Variants in NSMAF observed in about 807,000 individuals in gnomAD.
The protein encoded by NSMAF is neutral sphingomyelinase activation associated factor.
NSMAF carries 90 observed loss-of-function variants against 134.9 expected under a neutral mutation model. That is an observed-to-expected ratio of 0.67 (90% confidence interval 0.56 to 0.79). The LOEUF (loss-of-function observed/expected upper bound fraction) is 0.79. NSMAF is among the 30% of genes least tolerant of loss of function. NSMAF has a pLI of 0.00. For synonymous variants in NSMAF, 358 were observed against 389.6 expected, an observed-to-expected ratio of 0.92 and a Z score of 0.96; for missense variants, 1,010 against 1,119.0, an observed-to-expected ratio of 0.90 and a Z score of 1.39.
intron 23 of NSMAF, among the ~76,000 whole-genome samples, chr8:58,592,749 C>T (rs1338960575): frequency 6.6e-6 from 1 of 151,842 alleles, no homozygotes; most frequent in African/African-American, 2.4e-5. Flanking sequence ...TAGCCAGGCA[C>T]GATGGTGGGT....
intron 9 of NSMAF, among the ~76,000 whole-genome samples, chr8:58,622,290 G>C (rs1806804094): frequency 6.6e-6 from 1 of 152,072 alleles, no homozygotes; most frequent in African/African-American, 2.4e-5. Context: ...CTGGAGTACA[G>C]AGGCATAATC....
At chr8:58,593,071 T>A (rs779928083) in intron 23 of NSMAF, among the ~76,000 whole-genome samples, 5 of 152,188 alleles carry the variant, frequency 3.3e-5, no homozygotes, top group Non-Finnish European at 7.3e-5. Flanking sequence ...TAACAAGCCA[T>A]CCCAGACAAA....
intron 5 of NSMAF, among the ~76,000 whole-genome samples, chr8:58,634,922 T>A (rs1337860797): frequency 6.6e-6 from 1 of 152,144 alleles, no homozygotes; most frequent in Non-Finnish European, 1.5e-5. Flanking sequence ...AAGAGCTGCA[T>A]CCCTTCATTT....
intron 1 of NSMAF, chr8:58,659,157 G>A (rs953248377): frequency 3.3e-5 from 46 of 1,399,374 alleles, no homozygotes; most frequent in Non-Finnish European, 4.0e-5. Context: ...TTAAGGGGAA[G>A]GATTAGAAAG....
At chr8:58,637,121 A>C in intron 2 of NSMAF, 1 of 318,684 alleles carries the variant, frequency 3.1e-6, no homozygotes, top group Non-Finnish European at 6.3e-6. Context: ...CCATTGCAGA[A>C]GTTATTCTTT....
chr8:58,645,908 G>T (rs535076608), intron 1 of NSMAF, among the ~76,000 whole-genome samples: 1 of 152,230 alleles, frequency 6.6e-6, no homozygotes, highest in East Asian at 1.9e-4. Context: ...AGGCGTGGTG[G>T]CGGGCGCCTA....
At chr8:58,655,496 C>G (rs1159605078) in intron 1 of NSMAF, among the ~76,000 whole-genome samples, 1 of 151,526 alleles carries the variant, frequency 6.6e-6, no homozygotes, top group Non-Finnish European at 1.5e-5. Flanking sequence ...GACTCCTGGG[C>G]TCGAGTGATC....
At chr8:58,613,819 A>G (rs1563532443) in intron 9 of NSMAF, among the ~76,000 whole-genome samples, 1 of 152,218 alleles carries the variant, frequency 6.6e-6, no homozygotes, top group Non-Finnish European at 1.5e-5. Context: ...GAATGTTTGT[A>G]TCATATCGGT....
At chr8:58,591,481 CTTTTTTTTTT>C (rs1018380152) in intron 23 of NSMAF, among the ~76,000 whole-genome samples, 1 of 94,494 alleles carries the variant, frequency 1.1e-5, no homozygotes, top group Non-Finnish European at 2.0e-5. Flanking sequence ...AGAAACCTTC[CTTTTTTTTTT>C]TTTTTTTTTT....
intron 1 of NSMAF, among the ~76,000 whole-genome samples, chr8:58,646,546 G>A (rs1326196904): frequency 3.3e-5 from 5 of 152,130 alleles, no homozygotes; most frequent in African/African-American, 1.2e-4. Flanking sequence ...AACACACAGT[G>A]AAGGGATATA....
At chr8:58,607,108 T>C (rs111479963) in intron 11 of NSMAF, among the ~76,000 whole-genome samples, 1,668 of 152,354 alleles carry the variant, frequency 0.011, 32 homozygotes, top group African/African-American at 0.038. Context: ...ACAATGCTTT[T>C]GTAATGTCAC....
chr8:58,658,314 C>T (rs1474631796), intron 1 of NSMAF, among the ~76,000 whole-genome samples: 3 of 152,190 alleles, frequency 2.0e-5, no homozygotes, highest in Admixed American at 6.5e-5. Flanking sequence ...AATAAACAAC[C>T]CTTTCTGTGA....
intron 6 of NSMAF, among the ~76,000 whole-genome samples, chr8:58,625,289 CAT>C (rs1206409061): frequency 6.6e-6 from 1 of 152,186 alleles, no homozygotes; most frequent in Non-Finnish European, 1.5e-5. Flanking sequence ...TCTATAATCA[CAT>C]GATTCAATAC....
chr8:58,602,682 G>C (rs1488968066), intron 13 of NSMAF, among the ~76,000 whole-genome samples: 3 of 152,094 alleles, frequency 2.0e-5, no homozygotes, highest in Non-Finnish European at 4.4e-5. Flanking sequence ...ACAAAATAAA[G>C]TTACAATACA....
At chr8:58,597,772 A>G in intron 20 of NSMAF, 88 bp downstream of exon 20, 3 of 1,005,266 alleles carry the variant, frequency 3.0e-6, no homozygotes, top group Non-Finnish European at 4.6e-6. Context: ...AAATTTCCAT[A>G]CCTCAACCTT....
At chr8:58,653,973 TAG>T (rs1445261282) in intron 1 of NSMAF, among the ~76,000 whole-genome samples, 1 of 152,210 alleles carries the variant, frequency 6.6e-6, no homozygotes, top group Non-Finnish European at 1.5e-5. Context: ...AAAGTCAATA[TAG>T]AGTCTAAATT....
chr8:58,642,396 A>T (rs1213853725), intron 2 of NSMAF, among the ~76,000 whole-genome samples: 1 of 152,218 alleles, frequency 6.6e-6, no homozygotes, highest in Non-Finnish European at 1.5e-5. Context: ...TTCAAAAGGT[A>T]AAGTCAAAGA....
chr8:58,601,807 A>G lies in NSMAF; in HGVS notation c.1125+251T>C, dbSNP rs564280279. On this transcript the variant is annotated intron_variant, in intron 14 of 30. Transcript: ENST00000038176. Reference sequence around the variant, plus strand: ...ATTTTATGTGTCTCTTATGCGATTTACCACAGAATGCCTTCATGAAAATAA... The same window carrying G: ...ATTTTATGTGTCTCTTATGCGATTTGCCACAGAATGCCTTCATGAAAATAA... Among the ~76,000 whole-genome samples the G allele has an allele frequency of 1.6e-4, 25 of 152,338 alleles. No individual in the cohort carries two copies. The South Asian group carries it at 1.7e-3, about 10-fold the overall frequency.
Position 58,637,040 on chromosome 8 carries a change from ACC to A in NSMAF, c.150-1496_150-1495del, listed in dbSNP as rs1491200083. Among the ~76,000 whole-genome samples the A allele has an allele frequency of 3.4e-3, 491 of 146,440 alleles. 2 individuals are homozygous for A. The highest frequency in any genetic ancestry group is 0.012 in the African/African-American group (455 of 36,920). On this transcript the variant is annotated intron_variant, in intron 2 of 30. Transcript: ENST00000038176. Reference sequence around the variant, plus strand: ...TATACACACACACACACACACACACACCCACACACAAACACACATATTTATAA... The same window carrying A: ...TATACACACACACACACACACACACACACACACAAACACACATATTTATAA...
Sources: gnomAD v4.1 joint callset for allele counts (sites outside exome capture counted in the v4.1 genomes callset) on GRCh38, gnomAD v4.1.1 for gene constraint, MANE v1.5 for transcripts, NCBI Gene and HGNC (gene_info 2026-07-23, HGNC 2026-07-21) for gene names.